Variants in CHD9 observed in about 807,000 individuals in gnomAD.
CHD9 encodes chromodomain helicase DNA binding protein 9.
In CHD9, 77 loss-of-function variants were observed where a neutral mutation model predicts 316.1. The ratio of observed to expected loss-of-function variants is 0.24; its 90% CI spans 0.20 to 0.29. The LOEUF (loss-of-function observed/expected upper bound fraction) is 0.29. Among genes scored for constraint, CHD9 ranks in the 10% least tolerant of loss-of-function variants. The pLI is 1.00. For missense variants in CHD9, 2,763 were observed against 3,438.1 expected, an observed-to-expected ratio of 0.80 and a Z score of 4.91; for synonymous variants, 1,129 against 1,158.3, an observed-to-expected ratio of 0.97 and a Z score of 0.51.
chr16:53,087,428 G>T (rs895953142), intron 1 of CHD9, among the ~76,000 whole-genome samples: 1 of 152,150 alleles, frequency 6.6e-6, no homozygotes, highest in Non-Finnish European at 1.5e-5. Flanking sequence ...TGAGACTCGG[G>T]TCTATTCCCA....
At chr16:53,291,078 G>A (rs1185316865) in intron 27 of CHD9, among the ~76,000 whole-genome samples, 1 of 152,064 alleles carries the variant, frequency 6.6e-6, no homozygotes, top group Non-Finnish European at 1.5e-5. Flanking sequence ...GAAACATCAT[G>A]GTGAAATTGA....
At chr16:53,226,788 C>G (rs2047690294) in intron 5 of CHD9, among the ~76,000 whole-genome samples, 1 of 152,152 alleles carries the variant, frequency 6.6e-6, no homozygotes, top group Admixed American at 6.5e-5. Flanking sequence ...TTCTAAATTA[C>G]AAGTTTAATC....
chr16:53,327,191 C>A lies in CHD9; in HGVS notation c.*2296C>A, dbSNP rs2057573094. ...AAGGAAAAAAAAATCAGTAGAATTA[C>A]ATAATACTAAAGTTGCAGTTGAAAG... On this transcript the variant is annotated 3_prime_UTR_variant, in exon 39 of 39. Transcript: ENST00000447540. 6.6e-6 allele frequency: 1 copy of A among 152,448 alleles called. No homozygotes were observed. The highest frequency in any genetic ancestry group is 1.5e-5 in the Non-Finnish European group (1 of 67,958). 9.4% of individuals were successfully genotyped at this position (152,448 alleles called of 1,614,324 possible). A position where few individuals can be genotyped will look rare whatever the true frequency, so the allele number is the denominator to read the frequency against.
intron 34 of CHD9, among the ~76,000 whole-genome samples, chr16:53,313,049 T>G (rs1311705425): frequency 6.6e-6 from 1 of 152,212 alleles, no homozygotes; most frequent in African/African-American, 2.4e-5. Flanking sequence ...CATAGCTGCT[T>G]AATAAAATAT....
At chr16:53,266,517 T>C (rs2051711981) in intron 20 of CHD9, among the ~76,000 whole-genome samples, 2 of 152,196 alleles carry the variant, frequency 1.3e-5, no homozygotes, top group African/African-American at 4.8e-5. Context: ...AAGAAGTCTT[T>C]CTAGTATCAC....
chr16:53,098,656 A>G (rs955295552), intron 1 of CHD9, among the ~76,000 whole-genome samples: 4 of 152,110 alleles, frequency 2.6e-5, no homozygotes, highest in African/African-American at 9.7e-5. Flanking sequence ...GACTCAATCA[A>G]CGCGAGGCAG....
At chr16:53,167,004 T>A (rs1419301165) in intron 2 of CHD9, among the ~76,000 whole-genome samples, 1 of 141,588 alleles carries the variant, frequency 7.1e-6, no homozygotes, top group African/African-American at 2.5e-5. Flanking sequence ...ACTTGCTTGC[T>A]GTCACATAAC....
At chr16:53,166,571 A>G (rs1223180923) in intron 2 of CHD9, among the ~76,000 whole-genome samples, 1 of 152,158 alleles carries the variant, frequency 6.6e-6, no homozygotes, top group Admixed American at 6.5e-5. Context: ...GAGTCATCAA[A>G]TTTATTCCTA....
chr16:53,296,050 C>T (rs964811576), intron 29 of CHD9, among the ~76,000 whole-genome samples: 1 of 152,152 alleles, frequency 6.6e-6, no homozygotes, highest in Non-Finnish European at 1.5e-5. Flanking sequence ...ATGGACCACT[C>T]CCTCTTTGCT....
intron 3 of CHD9, among the ~76,000 whole-genome samples, chr16:53,216,881 TTTGAAG>T (rs2046806762): frequency 6.6e-6 from 1 of 152,186 alleles, no homozygotes; most frequent in Non-Finnish European, 1.5e-5. Flanking sequence ...TTACTTTTAT[TTTGAAG>T]TAATGTCAGA....
In CHD9 at chr16:53,126,186, C is replaced by A. The variant is rs150215110; in HGVS notation, c.-164-29740C>A. Among the ~76,000 whole-genome samples, 530 of 152,264 alleles carry A rather than the reference C, an allele frequency of 3.5e-3. 10 individuals are homozygous for A. Among genetic ancestry groups the A allele is most frequent in the Admixed American group, 0.029 (438 of 15,292 alleles). ...TAGAGTTTTATAGCTTTACCTCTTA[C>A]ATTTAGGTGTGTGGTCCCTTTTGGT... On this transcript the variant is annotated intron_variant, in intron 1 of 38. Coordinates refer to ENST00000447540, the MANE Select transcript of CHD9 (RefSeq NM_001308319.2).
chr16:53,139,094 A>G (rs1419997910), intron 1 of CHD9, among the ~76,000 whole-genome samples: 2 of 152,042 alleles, frequency 1.3e-5, no homozygotes, highest in African/African-American at 4.8e-5. Context: ...TTCTTCTCTT[A>G]AGAATAGCTA....
intron 34 of CHD9, chr16:53,311,472 A>G (rs1456440023): frequency 6.6e-6 from 1 of 152,232 alleles, no homozygotes; most frequent in Non-Finnish European, 1.5e-5. Flanking sequence ...TTGGCACACA[A>G]TGGGATGCCA....
At chr16:53,232,773 G>A (rs1017646432) in intron 10 of CHD9, among the ~76,000 whole-genome samples, 1 of 150,360 alleles carries the variant, frequency 6.7e-6, no homozygotes, top group Non-Finnish European at 1.5e-5. Flanking sequence ...ATGTTCATTG[G>A]CTATCACTTA....
At chr16:53,254,972 C>CT (rs1000004960) in intron 18 of CHD9, among the ~76,000 whole-genome samples, 2 of 151,778 alleles carry the variant, frequency 1.3e-5, no homozygotes, top group African/African-American at 2.4e-5. Context: ...GACATTTTGG[C>CT]TTTTTTTTCG....
chr16:53,324,275 A>T lies in CHD9; in HGVS notation c.8074A>T (p.Met2692Leu), dbSNP rs1162444902. The change falls in exon 39 of 39, where the codon ATG becomes TTG. Residue 2692 changes from methionine to leucine, a missense_variant. Physicochemically the swap from Met to Leu is conservative, Grantham distance 15. Around this residue, in one of 15 missense-constraint regions of CHD9, gnomAD observed 298 missense variants for 380.2 expected, o/e 0.78. Coordinates refer to ENST00000447540, the MANE Select transcript of CHD9 (RefSeq NM_001308319.2). ...LQSLQVTAGL[M>L]GMPTGLPSGG... ...GTCACTGCAAGTAACTGCTGGGTTG[A>T]TGGGAATGCCTACCGGCCTTCCTTC... 6.2e-7 allele frequency: 1 copy of T among 1,613,904 alleles called. No homozygotes were observed. Among genetic ancestry groups the T allele is most frequent in the Non-Finnish European group, 8.5e-7 (1 of 1,179,898 alleles).
intron 2 of CHD9, among the ~76,000 whole-genome samples, chr16:53,169,895 T>C (rs2042555609): frequency 6.6e-6 from 1 of 152,190 alleles, no homozygotes; most frequent in South Asian, 2.1e-4. Flanking sequence ...TACATTTAGT[T>C]GTTATGTCTC....
chr16:53,090,038 C>T (rs1228927331), intron 1 of CHD9, among the ~76,000 whole-genome samples: 1 of 152,186 alleles, frequency 6.6e-6, no homozygotes, highest in African/African-American at 2.4e-5. Context: ...CATCCTTTGC[C>T]AGGATGTGGA....
chr16:53,274,214 GT>G lies in CHD9; in HGVS notation c.4883del (p.Leu1628CysfsTer4). On this transcript the variant is annotated frameshift_variant and splice_region_variant, in exon 24 of 39. Coordinates refer to ENST00000447540, the MANE Select transcript of CHD9 (RefSeq NM_001308319.2). LOFTEE classifies it high-confidence loss of function. ...TGATTTATTTTCCCTTGTTTTTAGGGTTTTGCTTCGTGTGAGAATGCTGTAT... is the reference window on the plus strand; with the variant it reads ...TGATTTATTTTCCCTTGTTTTTAGGGTTTGCTTCGTGTGAGAATGCTGTAT... Reference protein sequence around the residue: ...KKHIKHHCNKVLLRVRMLYYL... With the variant: ...KKHIKHHCNKXLLRVRMLYYL... The G allele has an allele frequency of 6.3e-7, 1 of 1,591,028 alleles. No individual in the cohort carries two copies. The highest frequency in any genetic ancestry group is 8.6e-7 in the Non-Finnish European group (1 of 1,161,862).
Sources: allele counts gnomAD v4.1 joint callset (sites outside exome capture counted in the v4.1 genomes callset), GRCh38; gene constraint gnomAD v4.1.1; regional missense constraint gnomAD v4.1.1; transcripts MANE v1.5; gene names NCBI Gene and HGNC (gene_info 2026-07-23, HGNC 2026-07-21).